Variants in SEL1L3 observed in about 807,000 individuals in gnomAD.
The protein encoded by SEL1L3 is SEL1L family member 3, also known as protein sel-1 homolog 3.
Under a neutral mutation model 142.8 loss-of-function variants are expected in SEL1L3, and 76 were observed. That is an observed-to-expected ratio of 0.53 (90% confidence interval 0.44 to 0.64). The LOEUF is 0.64. Ranked by LOEUF, SEL1L3 falls within the 30% of genes least tolerant of loss-of-function variation. The probability of loss-of-function intolerance (pLI) is 0.00; values close to 1 mark genes in which losing one functional copy is unlikely to be tolerated. For missense variants in SEL1L3, 1,262 were observed against 1,381.7 expected (o/e 0.91, Z 1.37); for synonymous variants, 504 against 519.6 (o/e 0.97, Z 0.41).
At chr4:25,815,851 T>C (rs1253105444) in intron 9 of SEL1L3, among the ~76,000 whole-genome samples, 2 of 143,796 alleles carry the variant, frequency 1.4e-5, no homozygotes, top group African/African-American at 5.0e-5. Context: ...GAAATATTTT[T>C]GGAGAGGAGG....
intron 1 of SEL1L3, chr4:25,861,846 A>T (rs1717729803): frequency 6.6e-6 from 1 of 152,182 alleles, no homozygotes. Context: ...GCAAGCCCTC[A>T]AAGGAACTGA....
rs1716313396 is a variant in SEL1L3, at chr4:25,843,663, C to A, written c.733+3631G>T. Among the ~76,000 whole-genome samples the A allele has an allele frequency of 4.6e-5, 7 of 152,252 alleles. No individual in the cohort carries two copies. In the South Asian group the frequency reaches 1.4e-3, roughly 31 times the overall value. On this transcript the variant is annotated intron_variant, in intron 2 of 23. Coordinates refer to ENST00000399878, the MANE Select transcript of SEL1L3 (RefSeq NM_015187.5). The stretch of plus-strand genomic sequence containing the variant: ...TCTGCCTATGGCTACATATGCCCCC[C>A]ACACCCAGAATGCAGCAGTAACACG...
chr4:25,859,641 T>G (rs1055610793), intron 1 of SEL1L3, among the ~76,000 whole-genome samples: 1 of 152,178 alleles, frequency 6.6e-6, no homozygotes, highest in African/African-American at 2.4e-5. Context: ...CAGGAACTGG[T>G]CCCCAAATCA....
At chr4:25,793,398 T>C (rs1015156537) in intron 11 of SEL1L3, among the ~76,000 whole-genome samples, 1 of 152,102 alleles carries the variant, frequency 6.6e-6, no homozygotes, top group Non-Finnish European at 1.5e-5. Flanking sequence ...ATCCTCCCAC[T>C]TCAGCCTCCC....
chr4:25,861,982 T>C (rs1717738555), intron 1 of SEL1L3: 1 of 152,168 alleles, frequency 6.6e-6, no homozygotes, highest in Admixed American at 6.5e-5. Context: ...AGTGTGCAAA[T>C]TGCAAACTGA....
chr4:25,750,234 C>CAAAAAAA (rs10718046), intron 23 of SEL1L3, among the ~76,000 whole-genome samples: 2 of 105,086 alleles, frequency 1.9e-5, no homozygotes, highest in African/African-American at 8.1e-5. Context: ...GACTCCATCT[C>CAAAAAAA]AAAAAAAAAA....
At chr4:25,754,004 A>AATAC (rs1396794039) in intron 23 of SEL1L3, among the ~76,000 whole-genome samples, 1 of 149,162 alleles carries the variant, frequency 6.7e-6, no homozygotes, top group African/African-American at 2.5e-5. Flanking sequence ...TAAATAAATA[A>AATAC]ATAAATAAAT....
chr4:25,798,719 T>C (rs780226601), intron 11 of SEL1L3, among the ~76,000 whole-genome samples: 1 of 152,100 alleles, frequency 6.6e-6, no homozygotes, highest in Non-Finnish European at 1.5e-5. Flanking sequence ...TCCCAGCTAC[T>C]CGGGAGGCTG....
At chr4:25,844,925 A>G (rs2109305357) in intron 2 of SEL1L3, among the ~76,000 whole-genome samples, 1 of 152,348 alleles carries the variant, frequency 6.6e-6, no homozygotes, top group Non-Finnish European at 1.5e-5. Context: ...CACACACAGA[A>G]AGGGAATTTA....
the SEL1L3 span, among the ~76,000 whole-genome samples, chr4:25,724,515 G>A: frequency 2.0e-4 from 30 of 151,932 alleles, no homozygotes; most frequent in Non-Finnish European, 3.7e-4. Context: ...GCCGAGGCAG[G>A]CGGATCACGA....
At chr4:25,763,159 C>T (rs1718495994) in intron 20 of SEL1L3, among the ~76,000 whole-genome samples, 1 of 148,510 alleles carries the variant, frequency 6.7e-6, no homozygotes, top group African/African-American at 2.5e-5. Context: ...GTAACATTGG[C>T]TTCCCAAACA....
chr4:25,845,368 T>G (rs1716443225), intron 2 of SEL1L3, among the ~76,000 whole-genome samples: 1 of 152,146 alleles, frequency 6.6e-6, no homozygotes. Flanking sequence ...TGGTGGTACA[T>G]GCCCATGGTC....
chr4:25,849,353 AG>A (rs989150900), intron 1 of SEL1L3, among the ~76,000 whole-genome samples: 1 of 152,226 alleles, frequency 6.6e-6, no homozygotes, highest in African/African-American at 2.4e-5. Flanking sequence ...AGCCCATAAA[AG>A]GGAATGAAAT....
At chr4:25,753,468 C>T (rs1267912253) in intron 23 of SEL1L3, among the ~76,000 whole-genome samples, 2 of 152,208 alleles carry the variant, frequency 1.3e-5, no homozygotes, top group African/African-American at 2.4e-5. Flanking sequence ...TGTTTCACAA[C>T]GCCATGGCTG....
At chr4:25,740,192 G>T in the SEL1L3 span, among the ~76,000 whole-genome samples, 1 of 151,804 alleles carries the variant, frequency 6.6e-6, no homozygotes, top group Non-Finnish European at 1.5e-5. Flanking sequence ...CCAGCACTTT[G>T]GGAGGCTGAG....
At chr4:25,767,652 G>T in intron 18 of SEL1L3, 43 bp from the exon 19 acceptor site, 1 of 1,502,230 alleles carries the variant, frequency 6.7e-7, no homozygotes, top group Non-Finnish European at 9.1e-7. Context: ...TTAATATTTC[G>T]GCCAAGTGAC....
At chr4:25,795,850 G>C (rs750321449) in intron 11 of SEL1L3, among the ~76,000 whole-genome samples, 20 of 151,974 alleles carry the variant, frequency 1.3e-4, no homozygotes, top group Non-Finnish European at 2.8e-4. Context: ...CCTTTAAAAG[G>C]AAAGTGTTCA....
chr4:25,758,546 G>T (rs1307523514), intron 21 of SEL1L3, among the ~76,000 whole-genome samples: 4 of 152,132 alleles, frequency 2.6e-5, no homozygotes, highest in Non-Finnish European at 1.5e-5. Flanking sequence ...TTTCTGGTCA[G>T]CCCTTGAACT....
At chr4:25,726,159 C>A in the SEL1L3 span, among the ~76,000 whole-genome samples, 1 of 151,340 alleles carries the variant, frequency 6.6e-6, no homozygotes, top group Admixed American at 6.6e-5. Flanking sequence ...GGAGAGGAAA[C>A]CTGAGCTGGG....
Sources: gnomAD v4.1 joint callset for allele counts (sites outside exome capture counted in the v4.1 genomes callset) on GRCh38, gnomAD v4.1.1 for gene constraint, MANE v1.5 for transcripts, NCBI Gene and HGNC (gene_info 2026-07-23, HGNC 2026-07-21) for gene names.